The following ITPR2 variants were observed in gnomAD, a reference collection of about 807,000 sequenced individuals.
The protein encoded by ITPR2 is inositol 1,4,5-trisphosphate receptor type 2, also known as inositol 1,4,5-trisphosphate-gated calcium channel ITPR2.
Under a neutral mutation model 317.1 loss-of-function variants are expected in ITPR2, and 207 were observed. The ratio of observed to expected loss-of-function variants is 0.65; its 90% CI spans 0.58 to 0.73. ITPR2 has a LOEUF of 0.73. Ranked by LOEUF, ITPR2 falls within the 30% of genes least tolerant of loss-of-function variation. The pLI is 0.00. For missense variants in ITPR2, 2,613 were observed against 3,284.0 expected, an observed-to-expected ratio of 0.80 and a Z score of 4.99; for synonymous variants, 1,156 against 1,149.1, an observed-to-expected ratio of 1.01 and a Z score of -0.12.
chr12:26,767,031 T>C (rs1229804820), intron 2 of ITPR2, among the ~76,000 whole-genome samples: 4 of 152,192 alleles, frequency 2.6e-5, no homozygotes, highest in Non-Finnish European at 4.4e-5. Context: ...TAGGTTTTTT[T>C]CCTTCCAAAT....
chr12:26,477,060 C>G (rs575851019), intron 43 of ITPR2, 53 bp from the exon 44 acceptor site: 1 of 1,135,508 alleles, frequency 8.8e-7, no homozygotes, highest in South Asian at 1.4e-5. Context: ...CATGGATTAA[C>G]GATTTCTCTG....
chr12:26,504,576 C>T (rs550546069), intron 37 of ITPR2, among the ~76,000 whole-genome samples: 7 of 152,072 alleles, frequency 4.6e-5, no homozygotes, highest in African/African-American at 1.7e-4. Flanking sequence ...AATAAATTGA[C>T]AAAAATTAAG....
intron 1 of ITPR2, among the ~76,000 whole-genome samples, chr12:26,792,068 G>GA (rs1261341831): frequency 6.6e-6 from 1 of 152,130 alleles, no homozygotes; most frequent in Non-Finnish European, 1.5e-5. Flanking sequence ...CCATCAAGAG[G>GA]AATGAGAACT....
At chr12:26,521,452 T>G (rs146231720) in intron 37 of ITPR2, among the ~76,000 whole-genome samples, 51 of 152,352 alleles carry the variant, frequency 3.3e-4, no homozygotes, top group African/African-American at 1.2e-3. Flanking sequence ...CAAAGTTGCA[T>G]GTACCCTGTT....
chr12:26,807,336 A>G (rs764814708), intron 1 of ITPR2, among the ~76,000 whole-genome samples: 2 of 152,256 alleles, frequency 1.3e-5, no homozygotes, highest in East Asian at 1.9e-4. Context: ...AACAAAACAC[A>G]TAGGAAAGGA....
At chr12:26,730,782 C>T (rs986966674) in intron 2 of ITPR2, among the ~76,000 whole-genome samples, 2 of 152,108 alleles carry the variant, frequency 1.3e-5, no homozygotes, top group African/African-American at 2.4e-5. Flanking sequence ...GGCATTTTAG[C>T]CTGCTTACTT....
At chr12:26,518,535 G>A (rs866038530) in intron 37 of ITPR2, among the ~76,000 whole-genome samples, 3 of 147,626 alleles carry the variant, frequency 2.0e-5, no homozygotes, top group Admixed American at 6.6e-5. Context: ...GTCGGGGAAG[G>A]GGGGGCGGGA....
chr12:26,432,939 G>C (rs7955414), intron 48 of ITPR2, among the ~76,000 whole-genome samples: 18 of 152,128 alleles, frequency 1.2e-4, no homozygotes, highest in Admixed American at 6.5e-4. Flanking sequence ...GCATACAGTC[G>C]TTCAGCCTGT....
intron 37 of ITPR2, among the ~76,000 whole-genome samples, chr12:26,525,850 T>C (rs989786898): frequency 6.6e-6 from 1 of 152,222 alleles, no homozygotes; most frequent in Non-Finnish European, 1.5e-5. Flanking sequence ...GTTTCCTTCT[T>C]TGAACACAAT....
intron 45 of ITPR2, among the ~76,000 whole-genome samples, chr12:26,467,602 G>T (rs1456461552): frequency 6.6e-6 from 1 of 152,082 alleles, no homozygotes; most frequent in Admixed American, 6.5e-5. Flanking sequence ...CACAGCAATG[G>T]CATTTTACAT....
intron 1 of ITPR2, among the ~76,000 whole-genome samples, chr12:26,812,021 G>T (rs1326888026): frequency 1.3e-5 from 2 of 151,116 alleles, no homozygotes; most frequent in Non-Finnish European, 2.9e-5. Flanking sequence ...AAATTAGCTG[G>T]GCATGGTGGC....
intron 55 of ITPR2, among the ~76,000 whole-genome samples, chr12:26,371,463 A>G (rs1286543275): frequency 3.3e-5 from 5 of 152,250 alleles, no homozygotes; most frequent in Non-Finnish European, 7.3e-5. Context: ...AAAGACAGTG[A>G]AAAACAGGTA....
intron 1 of ITPR2, among the ~76,000 whole-genome samples, chr12:26,791,978 A>G (rs1411727999): frequency 6.6e-6 from 1 of 152,190 alleles, no homozygotes; most frequent in Non-Finnish European, 1.5e-5. Context: ...CTGACATTCT[A>G]TTCATTCCTT....
intron 45 of ITPR2, among the ~76,000 whole-genome samples, chr12:26,470,444 G>A (rs1308202904): frequency 1.3e-5 from 2 of 152,100 alleles, no homozygotes; most frequent in African/African-American, 2.4e-5. Flanking sequence ...GACTGACAAA[G>A]AGTTATTATC....
At chr12:26,793,601 G>C (rs1427107048) in intron 1 of ITPR2, among the ~76,000 whole-genome samples, 8 of 152,100 alleles carry the variant, frequency 5.3e-5, no homozygotes, top group Non-Finnish European at 1.5e-5. Context: ...AGCTCCAAGA[G>C]AGTCAGTCCA....
intron 45 of ITPR2, among the ~76,000 whole-genome samples, chr12:26,461,717 CAT>C (rs1290895301): frequency 7.1e-5 from 9 of 126,736 alleles, no homozygotes; most frequent in South Asian, 5.1e-4. Context: ...CACACACACA[CAT>C]ACATATAAAG....
chr12:26,737,782 A>G (rs1452818091), intron 2 of ITPR2, among the ~76,000 whole-genome samples: 1 of 152,214 alleles, frequency 6.6e-6, no homozygotes, highest in Non-Finnish European at 1.5e-5. Flanking sequence ...AAATGCTCAA[A>G]GTTAAAGCAC....
chr12:26,775,959 T>TACATA (rs1263788006), intron 2 of ITPR2, among the ~76,000 whole-genome samples: 2 of 145,080 alleles, frequency 1.4e-5, no homozygotes, highest in Non-Finnish European at 1.5e-5. Flanking sequence ...TATATGTATA[T>TACATA]CCTATTAGTT....
At chr12:26,596,389 G>A (rs1203002603) in intron 31 of ITPR2, among the ~76,000 whole-genome samples, 1 of 152,216 alleles carries the variant, frequency 6.6e-6, no homozygotes, top group African/African-American at 2.4e-5. Context: ...GCTCACGCCT[G>A]TAAATCCAAC....
Sources: gnomAD v4.1 joint callset for allele counts (sites outside exome capture counted in the v4.1 genomes callset) on GRCh38, gnomAD v4.1.1 for gene constraint, MANE v1.5 for transcripts, NCBI Gene and HGNC (gene_info 2026-07-23, HGNC 2026-07-21) for gene names.